The following PRKN variants were observed in gnomAD, a reference collection of about 807,000 sequenced individuals.
PRKN encodes the protein parkin RBR E3 ubiquitin protein ligase, also known as E3 ubiquitin-protein ligase parkin.
Under a neutral mutation model 59.5 loss-of-function variants are expected in PRKN, and 56 were observed. That is an observed-to-expected ratio of 0.94 (90% CI 0.76 to 1.18). The LOEUF is 1.18. Ranked by LOEUF, PRKN falls within the 50% of genes most tolerant of loss-of-function variation. PRKN has a pLI of 0.00. For synonymous variants in PRKN, 250 were observed against 222.1 expected, an observed-to-expected ratio of 1.13 and a Z score of -1.12; for missense variants, 657 against 596.4, an observed-to-expected ratio of 1.10 and a Z score of -1.06.
At chr6:162,604,279 T>C (rs962231414) in intron 1 of PRKN, among the ~76,000 whole-genome samples, 19 of 152,216 alleles carry the variant, frequency 1.2e-4, no homozygotes, top group African/African-American at 3.9e-4. Flanking sequence ...GTCTCAGCAC[T>C]GATCCCCTTG....
chr6:161,842,809 A>G (rs1314492710), intron 6 of PRKN, among the ~76,000 whole-genome samples: 1 of 151,966 alleles, frequency 6.6e-6, no homozygotes, highest in Non-Finnish European at 1.5e-5. Flanking sequence ...CGGCCTCCCA[A>G]AGTGCTGGGA....
At chr6:162,572,040 T>A (rs1404212116) in intron 1 of PRKN, among the ~76,000 whole-genome samples, 1 of 152,014 alleles carries the variant, frequency 6.6e-6, no homozygotes, top group Non-Finnish European at 1.5e-5. Context: ...AATTAGTGTA[T>A]CTTTGACTAT....
intron 4 of PRKN, among the ~76,000 whole-genome samples, chr6:162,091,448 C>T (rs1676454997): frequency 6.6e-6 from 1 of 152,146 alleles, no homozygotes; most frequent in South Asian, 2.1e-4. Flanking sequence ...TCACCATCAA[C>T]ACAGAATTAT....
intron 2 of PRKN, among the ~76,000 whole-genome samples, chr6:162,328,760 T>A (rs977129669): frequency 6.6e-6 from 1 of 152,132 alleles, no homozygotes; most frequent in Non-Finnish European, 1.5e-5. Context: ...GAGAATGGAC[T>A]GGATGGAGGA....
chr6:161,573,741 A>ATTAT lies in PRKN; in HGVS notation c.872-4326_872-4325insATAA, dbSNP rs1562534703. Among the ~76,000 whole-genome samples the ATTAT allele has an allele frequency of 6.3e-4, 27 of 42,544 alleles. 1 individual carries two copies. The highest frequency in any genetic ancestry group is 8.2e-4 in the Non-Finnish European group (20 of 24,538). The allele number at this position is 42,544 out of a possible 152,430, so 27.9% of individuals were successfully genotyped here. On this transcript the variant is annotated intron_variant, in intron 7 of 11. Coordinates refer to ENST00000366898, the MANE Select transcript of PRKN (RefSeq NM_004562.3). Reference sequence around the variant, plus strand: ...TCTCAAAAAAAAAAAAAAAAAAAAAAAAAAAAAAAAAAAAATATATATATA... The same window carrying ATTAT: ...TCTCAAAAAAAAAAAAAAAAAAAAAATTATAAAAAAAAAAAAAAATATATATATA...
intron 7 of PRKN, among the ~76,000 whole-genome samples, chr6:161,679,668 A>G (rs555385844): frequency 2.7e-5 from 3 of 109,142 alleles, no homozygotes; most frequent in East Asian, 6.4e-4. Context: ...GGTTTATAAT[A>G]GAACCACCCC....
At position 161,377,116 on chromosome 6, in the gene PRKN, G is replaced by A. The variant is rs1268716504; in HGVS notation, c.1167+9678C>T. 2.0e-5 allele frequency among the ~76,000 whole-genome samples: 3 copies of A among 152,228 alleles called. No individual in the cohort carries two copies. The highest frequency in any genetic ancestry group is 4.4e-5 in the Non-Finnish European group (3 of 68,038). ...TGTCTGTGGAGGGAAAAGAGGTCAC[G>A]TGGGGCTACCTGCGGGCCAATAAGA... On this transcript the variant is annotated intron_variant, in intron 10 of 11. Coordinates refer to ENST00000366898, the MANE Select transcript of PRKN (RefSeq NM_004562.3). The surrounding 1 kb of genome is among the most constrained non-coding windows in gnomAD (Gnocchi z 4.2).
intron 7 of PRKN, among the ~76,000 whole-genome samples, chr6:161,730,837 C>A (rs963371247): frequency 6.6e-6 from 1 of 152,134 alleles, no homozygotes; most frequent in African/African-American, 2.4e-5. Context: ...GTGTTGCATT[C>A]TTTCTGGTGT....
intron 2 of PRKN, among the ~76,000 whole-genome samples, chr6:162,329,059 T>C (rs1340264298): frequency 6.6e-6 from 1 of 152,176 alleles, no homozygotes. Context: ...CTGTATGTGT[T>C]CGGGTACTTC....
At chr6:161,894,377 C>G (rs1177776606) in intron 6 of PRKN, among the ~76,000 whole-genome samples, 1 of 152,142 alleles carries the variant, frequency 6.6e-6, no homozygotes. Flanking sequence ...ACATATTAAC[C>G]TTCCTCAATC....
intron 4 of PRKN, among the ~76,000 whole-genome samples, chr6:162,171,764 G>A (rs1783289268): frequency 2.0e-5 from 3 of 152,012 alleles, no homozygotes; most frequent in Admixed American, 2.0e-4. Flanking sequence ...TTATAACTTG[G>A]CTATTGCTAC....
intron 7 of PRKN, among the ~76,000 whole-genome samples, chr6:161,634,796 C>T (rs1032458538): frequency 2.0e-5 from 3 of 152,168 alleles, no homozygotes; most frequent in African/African-American, 4.8e-5. Context: ...CAAAAAAGTC[C>T]AACTAATCAA....
At chr6:162,332,276 A>C (rs1342055539) in intron 2 of PRKN, among the ~76,000 whole-genome samples, 2 of 152,230 alleles carry the variant, frequency 1.3e-5, no homozygotes, top group Non-Finnish European at 2.9e-5. Flanking sequence ...AACCAGTGAG[A>C]GACAAGCAGC....
chr6:162,502,510 A>G (rs552832702), intron 1 of PRKN, among the ~76,000 whole-genome samples: 1 of 152,298 alleles, frequency 6.6e-6, no homozygotes, highest in East Asian at 1.9e-4. Context: ...ACTAAAGGGC[A>G]GCATTACAAC....
chr6:161,450,854 T>C (rs1367934236), intron 9 of PRKN, among the ~76,000 whole-genome samples: 3 of 152,150 alleles, frequency 2.0e-5, no homozygotes, highest in Non-Finnish European at 4.4e-5. Flanking sequence ...CATGCCCGGC[T>C]TGTTTTCTTA....
intron 5 of PRKN, among the ~76,000 whole-genome samples, chr6:162,035,458 C>A (rs899656387): frequency 1.3e-5 from 2 of 152,256 alleles, no homozygotes; most frequent in Non-Finnish European, 2.9e-5. Flanking sequence ...ATTATATGAT[C>A]TGTGTTTAAA....
At chr6:161,609,431 A>C (rs953864758) in intron 7 of PRKN, among the ~76,000 whole-genome samples, 1 of 152,180 alleles carries the variant, frequency 6.6e-6, no homozygotes, top group Non-Finnish European at 1.5e-5. Context: ...GTTCAATGGC[A>C]TCTTAATAAC....
chr6:161,485,971 T>G (rs1417847359), intron 9 of PRKN, among the ~76,000 whole-genome samples: 2 of 152,150 alleles, frequency 1.3e-5, no homozygotes, highest in African/African-American at 2.4e-5. Context: ...ACTATAATTT[T>G]ATGGACTGTG....
chr6:161,525,018 AAT>A lies in PRKN; in HGVS notation c.1083+23834_1083+23835del, dbSNP rs1778968102. 6.6e-6 allele frequency among the ~76,000 whole-genome samples: 1 copy of A among 152,130 alleles called. No homozygotes were observed. Among genetic ancestry groups the A allele is most frequent in the Admixed American group, 6.6e-5 (1 of 15,266 alleles). The stretch of plus-strand genomic sequence containing the variant: ...ATCTTTTACACATTTCAAAACATCA[AAT>A]ATGTTTGTTGTAGCTTGTTCTTACC... On this transcript the variant is annotated intron_variant, in intron 9 of 11. Transcript: ENST00000366898. The surrounding 1 kb of genome is among the most constrained non-coding windows in gnomAD (Gnocchi z 4.7).
Sources: allele counts gnomAD v4.1 joint callset (sites outside exome capture counted in the v4.1 genomes callset), GRCh38; gene constraint gnomAD v4.1.1; non-coding constraint Gnocchi (gnomAD v3.1); transcripts MANE v1.5; gene names NCBI Gene and HGNC (gene_info 2026-07-23, HGNC 2026-07-21).